The following FRYL variants were observed in gnomAD, a reference collection of about 807,000 sequenced individuals.
FRYL encodes protein furry homolog-like.
Under a neutral mutation model 351.2 loss-of-function variants are expected in FRYL, and 150 were observed. That is an observed-to-expected ratio of 0.43 (90% CI 0.37 to 0.49). FRYL has a LOEUF of 0.49. Ranked by LOEUF, FRYL falls within the 20% of genes least tolerant of loss-of-function variation. FRYL has a pLI of 0.00. For synonymous variants in FRYL, 1,153 were observed against 1,257.1 expected, an observed-to-expected ratio of 0.92 and a Z score of 1.75; for missense variants, 3,036 against 3,619.3, an observed-to-expected ratio of 0.84 and a Z score of 4.13.
At position 48,531,363 on chromosome 4, in the gene FRYL, A is replaced by T; in HGVS notation, c.6706-10T>A. 1 of 1,591,532 alleles carries T rather than the reference A, an allele frequency of 6.3e-7. No homozygotes were observed. Among genetic ancestry groups the T allele is most frequent in the African/African-American group, 1.3e-5 (1 of 74,500 alleles). On this transcript the variant is annotated splice_polypyrimidine_tract_variant and intron_variant, in intron 49 of 63. Transcript: ENST00000358350. ...CCTTCCAGTAAGGACTCTGGTTTAA[A>T]AAATAATTGACACGTAAAAGTTACA... is the stretch of plus-strand genomic sequence containing the variant.
intron 1 of FRYL, among the ~76,000 whole-genome samples, chr4:48,722,969 T>G (rs1394777063): frequency 6.6e-6 from 1 of 152,182 alleles, no homozygotes; most frequent in Non-Finnish European, 1.5e-5. Flanking sequence ...ACTGAGAATA[T>G]CAGTTTCACG....
chr4:48,692,646 G>T (rs1398623133), intron 2 of FRYL, among the ~76,000 whole-genome samples: 1 of 152,186 alleles, frequency 6.6e-6, no homozygotes, highest in African/African-American at 2.4e-5. Flanking sequence ...GCCTGCCTTG[G>T]CCTCCCTAAG....
chr4:48,770,137 T>C (rs1578983522), intron 1 of FRYL, among the ~76,000 whole-genome samples: 1 of 152,222 alleles, frequency 6.6e-6, no homozygotes, highest in Admixed American at 6.5e-5. Flanking sequence ...CGATATTGTA[T>C]CAGTTTCCTA....
rs530906459 is a variant in FRYL, at chr4:48,759,651, T to C, written c.-384+20427A>G. The stretch of plus-strand genomic sequence containing the variant: ...ATTTTTGTAAGATGAGGGCTCACTG[T>C]GTTGCCCAGGCTGGTCTCAAACTCC... On this transcript the variant is annotated intron_variant, in intron 1 of 63. Transcript: ENST00000358350. Among the ~76,000 whole-genome samples, 30 of 152,288 alleles carry C rather than the reference T, an allele frequency of 2.0e-4. No individual in the cohort carries two copies. In the East Asian group the frequency reaches 3.9e-3, roughly 20 times the overall value.
chr4:48,766,636 T>C (rs1191790732), intron 1 of FRYL, among the ~76,000 whole-genome samples: 2 of 152,168 alleles, frequency 1.3e-5, no homozygotes, highest in Non-Finnish European at 2.9e-5. Flanking sequence ...ACTCACAGGA[T>C]GCATCTCAAA....
At chr4:48,687,505 G>GT (rs1765265854) in intron 2 of FRYL, among the ~76,000 whole-genome samples, 1 of 40,258 alleles carries the variant, frequency 2.5e-5, no homozygotes, top group Non-Finnish European at 5.2e-5. Context: ...GGGGGGGGGG[G>GT]GTGAGGGGGG....
intron 3 of FRYL, chr4:48,636,962 C>T (rs973263235): frequency 7.2e-5 from 11 of 151,912 alleles, no homozygotes; most frequent in Non-Finnish European, 1.6e-4. Context: ...TACCAAATGG[C>T]ACAGGAAAGT....
intron 35 of FRYL, 35 bp from the exon 36 acceptor site, chr4:48,553,418 C>T: frequency 6.5e-7 from 1 of 1,532,864 alleles, no homozygotes; most frequent in South Asian, 1.2e-5. Flanking sequence ...AAAGAAAAAG[C>T]AAAGTTTTTA....
intron 1 of FRYL, among the ~76,000 whole-genome samples, chr4:48,742,976 T>G: frequency 7.9e-6 from 1 of 126,354 alleles, no homozygotes; most frequent in Non-Finnish European, 1.7e-5. Context: ...CTGGATAATT[T>G]TTTTTTTTTT....
chr4:48,546,146 T>G lies in FRYL; in HGVS notation c.5200A>C (p.Thr1734Pro). ...NNSAAISHLH[T>P]TILNEVDISV... ...ATGTCAACCTCATTGAGGATAGTGG[T>G]GTGCAGATGTGAAATGGCAGCACTG... The change falls in exon 42 of 64, where the codon ACC becomes CCC. Residue 1734 changes from threonine (T) to proline (P), a missense_variant. Around this residue, in one of 7 missense-constraint regions of FRYL, gnomAD observed 1,987 missense variants for 2,311.7 expected, o/e 0.86. Transcript: ENST00000358350. 1.2e-6 allele frequency: 2 copies of G among 1,613,790 alleles called. No homozygotes were observed. The highest frequency in any genetic ancestry group is 1.7e-6 in the Non-Finnish European group (2 of 1,179,836).
At chr4:48,548,875 C>A in intron 39 of FRYL, 82 bp from the exon 40 acceptor site, 2 of 731,782 alleles carry the variant, frequency 2.7e-6, no homozygotes, top group Non-Finnish European at 2.3e-6. Flanking sequence ...TACTTGAAGA[C>A]TTTAATATCA....
Position 48,581,494 on chromosome 4 carries a change from G to A in FRYL, c.2098C>T (p.Pro700Ser). The A allele has an allele frequency of 6.2e-7, 1 of 1,614,074 alleles. No homozygotes were observed. Among genetic ancestry groups the A allele is most frequent in the Non-Finnish European group, 8.5e-7 (1 of 1,179,954 alleles). Reference protein sequence around the residue: ...FALVILCSSRPATRRLAVSVL... With the variant: ...FALVILCSSRSATRRLAVSVL... Reference sequence around the variant, plus strand: ...CTGACGGCTAGTCTCCTAGTGGCAGGTCGACTGCTACAGAGAATGACAAGC... The same window carrying A: ...CTGACGGCTAGTCTCCTAGTGGCAGATCGACTGCTACAGAGAATGACAAGC... The change falls in exon 21 of 64, where the codon CCT becomes TCT. Residue 700 changes from proline (P) to serine (S), a missense_variant. Physicochemically the swap from Pro to Ser is moderately conservative, Grantham distance 74. Coordinates refer to ENST00000358350, the MANE Select transcript of FRYL (RefSeq NM_015030.2).
intron 1 of FRYL, among the ~76,000 whole-genome samples, chr4:48,742,347 T>C (rs1166333426): frequency 6.6e-6 from 1 of 152,174 alleles, no homozygotes; most frequent in South Asian, 2.1e-4. Flanking sequence ...CTTGAAACTG[T>C]TCCCTCATTT....
At chr4:48,592,095 TATATATATATATATATATA>T (rs1743461490) in intron 16 of FRYL, among the ~76,000 whole-genome samples, 1 of 38,436 alleles carries the variant, frequency 2.6e-5, no homozygotes, top group East Asian at 1.1e-3. Flanking sequence ...TATATATATA[TATATATATATATATATATA>T]TTTTATCTAA....
intron 59 of FRYL, 150 bp downstream of exon 59, chr4:48,509,909 A>G: frequency 5.2e-6 from 3 of 582,158 alleles, no homozygotes; most frequent in South Asian, 4.5e-5. Context: ...AATTTGCTGG[A>G]TAGAGAGCTC....
At chr4:48,766,609 G>T (rs1774975221) in intron 1 of FRYL, among the ~76,000 whole-genome samples, 1 of 152,168 alleles carries the variant, frequency 6.6e-6, no homozygotes, top group Non-Finnish European at 1.5e-5. Flanking sequence ...GCCCTGAGTA[G>T]GAGGAACCGA....
chr4:48,577,870 T>C (rs1320835018), intron 23 of FRYL, among the ~76,000 whole-genome samples: 3 of 150,908 alleles, frequency 2.0e-5, no homozygotes, highest in Non-Finnish European at 4.4e-5. Flanking sequence ...AGTGAGACCC[T>C]GCCTCTTTAA....
At chr4:48,543,744 G>A in intron 44 of FRYL, 63 bp downstream of exon 44, 2 of 1,420,042 alleles carry the variant, frequency 1.4e-6, no homozygotes, top group East Asian at 4.6e-5. Flanking sequence ...CAATCTATAT[G>A]GACAATAAAT....
intron 3 of FRYL, among the ~76,000 whole-genome samples, chr4:48,677,132 T>G (rs2149526687): frequency 6.6e-6 from 1 of 152,324 alleles, no homozygotes; most frequent in East Asian, 1.9e-4. Context: ...AGGAAAATTT[T>G]TAAAATATTA....
Sources: gnomAD v4.1 joint callset for allele counts (sites outside exome capture counted in the v4.1 genomes callset) on GRCh38, gnomAD v4.1.1 for gene constraint, gnomAD v4.1.1 regional missense constraint, MANE v1.5 for transcripts, NCBI Gene and HGNC (gene_info 2026-07-23, HGNC 2026-07-21) for gene names.